Variants in ARID4B observed in about 807,000 individuals in gnomAD.
ARID4B encodes AT-rich interactive domain-containing protein 4B.
ARID4B carries 26 observed loss-of-function variants against 147.5 expected under a neutral mutation model. The observed-to-expected ratio is 0.18, with a 90% confidence interval of 0.13 to 0.24. The LOEUF (loss-of-function observed/expected upper bound fraction) is 0.24, where lower values mean the gene tolerates loss of function less well. ARID4B is among the 10% of genes least tolerant of loss of function. The pLI is 1.00. For missense variants in ARID4B, 1,179 were observed against 1,511.5 expected (o/e 0.78, Z 3.65); for synonymous variants, 512 against 507.9 (o/e 1.01, Z -0.11).
chr1:235,260,655 A>T lies in ARID4B; in HGVS notation c.104T>A (p.Leu35His). The T allele has an allele frequency of 6.2e-7, 1 of 1,604,866 alleles. No individual in the cohort carries two copies. Among genetic ancestry groups the T allele is most frequent in the Non-Finnish European group, 8.5e-7 (1 of 1,175,680 alleles). The change falls in exon 3 of 24, where the codon CTT (leucine) becomes CAT (histidine). Residue 35 changes from leucine (L) to histidine (H), a missense_variant. By Grantham distance (99) the Leu-to-His change is moderately conservative (BLOSUM62 -3). Coordinates refer to ENST00000264183, the MANE Select transcript of ARID4B (RefSeq NM_016374.6). Reference protein sequence around the residue: ...CEAKIKTAKRLVKVKVTFRHD... With the variant: ...CEAKIKTAKRHVKVKVTFRHD... ...TAAATACTGTACCTTGACTTTGACA[A>T]GTCTTTTTGCTGTCTTGATCTTGGC...
intron 7 of ARID4B, among the ~76,000 whole-genome samples, chr1:235,243,570 C>T (rs985891976): frequency 1.3e-5 from 2 of 152,128 alleles, no homozygotes; most frequent in Admixed American, 1.3e-4. Flanking sequence ...CAGCCAATCA[C>T]TTAAAGCTGA....
At chr1:235,260,260 G>C (rs1486955540) in intron 3 of ARID4B, among the ~76,000 whole-genome samples, 1 of 152,108 alleles carries the variant, frequency 6.6e-6, no homozygotes, top group Non-Finnish European at 1.5e-5. Flanking sequence ...TAAAATTGAT[G>C]AACTATGGTA....
chr1:235,327,691 T>C (rs949551662), intron 1 of ARID4B, 78 bp downstream of exon 1: 3 of 152,392 alleles, frequency 2.0e-5, no homozygotes, highest in Non-Finnish European at 4.4e-5. Context: ...GCGATCTTCC[T>C]CTGCTCCTTG....
intron 2 of ARID4B, chr1:235,296,343 G>A (rs888820055): frequency 6.6e-6 from 1 of 152,332 alleles, no homozygotes; most frequent in Non-Finnish European, 1.5e-5. Flanking sequence ...TCTAAAGTGA[G>A]CCCAGCTGGC....
At chr1:235,268,677 C>A (rs1262755426) in intron 2 of ARID4B, among the ~76,000 whole-genome samples, 2 of 152,064 alleles carry the variant, frequency 1.3e-5, no homozygotes, top group South Asian at 4.2e-4. Flanking sequence ...TACAGGCGCT[C>A]GCCACCATGT....
At chr1:235,237,250 C>T (rs766624423) in intron 8 of ARID4B, among the ~76,000 whole-genome samples, 4 of 151,924 alleles carry the variant, frequency 2.6e-5, no homozygotes, top group East Asian at 1.9e-4. Flanking sequence ...AACACTGATG[C>T]TTTTTTTCAG....
intron 14 of ARID4B, among the ~76,000 whole-genome samples, chr1:235,221,338 T>C (rs1667454237): frequency 6.6e-6 from 1 of 152,226 alleles, no homozygotes; most frequent in Admixed American, 6.5e-5. Flanking sequence ...TTTTAACCTC[T>C]ATGAAGTACT....
chr1:235,199,468 A>T (rs1370534761), intron 17 of ARID4B, among the ~76,000 whole-genome samples: 2 of 152,216 alleles, frequency 1.3e-5, no homozygotes, highest in Non-Finnish European at 2.9e-5. Context: ...TATCTTAAAA[A>T]TTTATCAGGG....
chr1:235,195,464 G>A (rs1665427861), intron 18 of ARID4B, among the ~76,000 whole-genome samples: 1 of 151,890 alleles, frequency 6.6e-6, no homozygotes, highest in African/African-American at 2.4e-5. Context: ...GTGGTGGTGT[G>A]TGCCTGTAAT....
intron 6 of ARID4B, among the ~76,000 whole-genome samples, chr1:235,248,943 C>T (rs1387029500): frequency 6.6e-6 from 1 of 152,214 alleles, no homozygotes; most frequent in Non-Finnish European, 1.5e-5. Flanking sequence ...GTCTATGGCC[C>T]TGTTACCTAA....
chr1:235,275,029 G>A (rs1156843154), intron 2 of ARID4B, among the ~76,000 whole-genome samples: 2 of 151,684 alleles, frequency 1.3e-5, no homozygotes, highest in African/African-American at 2.4e-5. Flanking sequence ...GTGTGCACGC[G>A]CGCAGACCGC....
At chr1:235,230,610 A>AAC (rs1187334920) in intron 10 of ARID4B, among the ~76,000 whole-genome samples, 2 of 132,610 alleles carry the variant, frequency 1.5e-5, no homozygotes, top group Non-Finnish European at 3.2e-5. Flanking sequence ...AAAAAAAAAA[A>AAC]AAAAAACCAG....
intron 8 of ARID4B, among the ~76,000 whole-genome samples, chr1:235,238,123 A>C (rs1276261760): frequency 6.8e-6 from 1 of 146,310 alleles, no homozygotes; most frequent in Non-Finnish European, 1.5e-5. Flanking sequence ...AGCCTGGGCA[A>C]CAAGGGCGAA....
At chr1:235,298,689 C>G (rs1013107333) in intron 2 of ARID4B, among the ~76,000 whole-genome samples, 1 of 151,844 alleles carries the variant, frequency 6.6e-6, no homozygotes, top group Non-Finnish European at 1.5e-5. Flanking sequence ...ATTGTATTTA[C>G]ATATAGCGTT....
intron 2 of ARID4B, among the ~76,000 whole-genome samples, chr1:235,317,909 C>T (rs904634497): frequency 4.6e-5 from 7 of 152,152 alleles, no homozygotes; most frequent in African/African-American, 1.7e-4. Flanking sequence ...AAATACTCAG[C>T]ACTCCCCAGG....
intron 19 of ARID4B, among the ~76,000 whole-genome samples, chr1:235,191,803 T>G (rs965609205): frequency 6.6e-6 from 1 of 152,206 alleles, no homozygotes; most frequent in Non-Finnish European, 1.5e-5. Context: ...CTGGGTGCAG[T>G]GGCTCATGCC....
chr1:235,254,772 A>C (rs982876531), intron 5 of ARID4B, among the ~76,000 whole-genome samples: 1 of 152,006 alleles, frequency 6.6e-6, no homozygotes, highest in Non-Finnish European at 1.5e-5. Context: ...AGAGCCAGCA[A>C]CTCAAAACGG....
At position 235,220,458 on chromosome 1, in the gene ARID4B, A is replaced by C. The variant is rs1341259002; in HGVS notation, c.1251T>G (p.Cys417Trp). The change falls in exon 15 of 24, where the codon TGT becomes TGG. Residue 417 changes from cysteine to tryptophan, a missense_variant. Cys to Trp is a radical substitution (Grantham distance 215, BLOSUM62 -2). Around this residue, in one of 10 missense-constraint regions of ARID4B, gnomAD observed 204 missense variants for 210.9 expected, o/e 0.97. Coordinates refer to ENST00000264183, the MANE Select transcript of ARID4B (RefSeq NM_016374.6). ...TTTCTTTTACATTTTCACACTCCTT[A>C]CATTGCTTGTTAACAACTTTCTCTG... is the stretch of plus-strand genomic sequence containing the variant. ...ALPEKVVNKQ[C>W]KECENVKEIK... The C allele has an allele frequency of 6.2e-7, 1 of 1,612,552 alleles. No homozygotes were observed. The highest frequency in any genetic ancestry group is 1.7e-5 in the Admixed American group (1 of 59,970).
intron 2 of ARID4B, among the ~76,000 whole-genome samples, chr1:235,294,355 C>A (rs1672539687): frequency 7.2e-6 from 1 of 138,268 alleles, no homozygotes; most frequent in Non-Finnish European, 1.5e-5. Flanking sequence ...CTCTGTCACC[C>A]AGGCTGGAGT....
Sources: allele counts gnomAD v4.1 joint callset (sites outside exome capture counted in the v4.1 genomes callset), GRCh38; gene constraint gnomAD v4.1.1; regional missense constraint gnomAD v4.1.1; transcripts MANE v1.5; gene names NCBI Gene and HGNC (gene_info 2026-07-23, HGNC 2026-07-21).